ATXN2: variants seen among roughly 807,000 people sequenced by gnomAD.
The protein encoded by ATXN2 is ataxin 2, also known as ataxin-2.
ATXN2 carries 37 observed loss-of-function variants against 138.6 expected under a neutral mutation model. The observed-to-expected ratio is 0.27, with a 90% CI of 0.21 to 0.35. The LOEUF is 0.35. Among genes scored for constraint, ATXN2 ranks in the 10% least tolerant of loss-of-function variants. ATXN2 has a pLI of 1.00. For missense variants in ATXN2, 1,216 were observed against 1,480.3 expected (o/e 0.82, Z 2.93); for synonymous variants, 549 against 543.7 (o/e 1.01, Z -0.13).
intron 9 of ATXN2, among the ~76,000 whole-genome samples, chr12:111,517,966 A>C (rs931665466): frequency 3.3e-5 from 5 of 152,178 alleles, no homozygotes; most frequent in African/African-American, 9.7e-5. Flanking sequence ...TTTATATGTG[A>C]AGTGTTTTTG....
In ATXN2 at chr12:111,485,693, C is replaced by T. The variant is rs1877588410; in HGVS notation, c.2457+20G>A. 6 of 1,612,688 alleles carry T rather than the reference C, an allele frequency of 3.7e-6. No individual in the cohort carries two copies. In the South Asian group the frequency reaches 6.6e-5, roughly 18 times the overall value. On this transcript the variant is annotated intron_variant, in intron 17 of 24. Coordinates refer to ENST00000673436, the MANE Select transcript of ATXN2 (RefSeq NM_001372574.1). ...CAAACAATTGGGGAGGCTAAGTGAA[C>T]ATCAAATTCTATGACTTACTTGCAC...
chr12:111,548,132 G>C (rs1408999822), intron 5 of ATXN2, among the ~76,000 whole-genome samples: 4 of 151,960 alleles, frequency 2.6e-5, no homozygotes, highest in African/African-American at 9.7e-5. Flanking sequence ...GGTGGAGGTT[G>C]CAGTGCGCCA....
intron 14 of ATXN2, among the ~76,000 whole-genome samples, chr12:111,500,603 G>A (rs1296169783): frequency 5.9e-5 from 9 of 152,146 alleles, no homozygotes; most frequent in East Asian, 3.9e-4. Context: ...GGCCGGGCAC[G>A]GTGGCTCACG....
At position 111,516,507 on chromosome 12, in the gene ATXN2, GT is replaced by G; in HGVS notation, c.1166-145del. On this transcript the variant is annotated intron_variant, in intron 9 of 24. Transcript: ENST00000673436. The surrounding 1 kb of genome is among the most constrained non-coding windows in gnomAD (Gnocchi z 5.0). ...AGGACAGTCATTTGATTTGTGATAA[GT>G]TTTAGCATAACTTAACTGACATAAA... 1.2e-6 allele frequency: 1 copy of G among 807,252 alleles called. No individual in the cohort carries two copies. The highest frequency in any genetic ancestry group is 1.9e-6 in the Non-Finnish European group (1 of 523,706). The allele number at this position is 807,252 out of a possible 1,614,324, so 50.0% of individuals were successfully genotyped here. A position where few individuals can be genotyped will look rare whatever the true frequency, so the allele number is the denominator to read the frequency against.
intron 17 of ATXN2, 32 bp downstream of exon 17, chr12:111,485,681 A>T: frequency 6.2e-7 from 1 of 1,610,778 alleles, no homozygotes; most frequent in Non-Finnish European, 8.5e-7. Flanking sequence ...ACAATTGGGG[A>T]GGCTAAGTGA....
intron 5 of ATXN2, 116 bp from the exon 6 acceptor site, chr12:111,525,432 C>A: frequency 1.7e-6 from 2 of 1,186,658 alleles, no homozygotes; most frequent in South Asian, 2.1e-5. Flanking sequence ...ATGAATTTCA[C>A]ATAATTGTTT....
intron 1 of ATXN2, among the ~76,000 whole-genome samples, chr12:111,588,188 A>AAAAT (rs34646187): frequency 0.097 from 14,479 of 148,948 alleles, 1,499 homozygotes; most frequent in East Asian, 0.53. Context: ...TCCTATCACA[A>AAAAT]AAATAAATAA....
At chr12:111,560,595 C>T (rs1389664525) in intron 1 of ATXN2, among the ~76,000 whole-genome samples, 1 of 152,140 alleles carries the variant, frequency 6.6e-6, no homozygotes. Flanking sequence ...TAGCATCAGA[C>T]GTGTCACACT....
chr12:111,522,126 G>A (rs552578402), intron 6 of ATXN2, among the ~76,000 whole-genome samples: 2 of 151,150 alleles, frequency 1.3e-5, no homozygotes, highest in African/African-American at 4.9e-5. Context: ...AGACTATAAT[G>A]TAAGTCTACC....
chr12:111,568,590 G>A (rs1361507279), intron 1 of ATXN2, among the ~76,000 whole-genome samples: 1 of 152,126 alleles, frequency 6.6e-6, no homozygotes, highest in Non-Finnish European at 1.5e-5. Flanking sequence ...CAGTAAAACT[G>A]TAAGAATGCT....
intron 1 of ATXN2, among the ~76,000 whole-genome samples, chr12:111,569,282 A>G (rs1320856275): frequency 6.6e-6 from 1 of 152,214 alleles, no homozygotes; most frequent in East Asian, 1.9e-4. Context: ...CAAAAGAAAA[A>G]AAATAGTATC....
At position 111,500,885 on chromosome 12, in the gene ATXN2, A is replaced by C. The variant is rs1199806844; in HGVS notation, c.1935+8664T>G. On this transcript the variant is annotated intron_variant, in intron 14 of 24. Coordinates refer to ENST00000673436, the MANE Select transcript of ATXN2 (RefSeq NM_001372574.1). Reference sequence around the variant, plus strand: ...AGACTCCGTCTAAAAATAAATAAATAAAATAAGTTTAAAATTTAAAAAGTT... The same window carrying C: ...AGACTCCGTCTAAAAATAAATAAATCAAATAAGTTTAAAATTTAAAAAGTT... 2.6e-5 allele frequency among the ~76,000 whole-genome samples: 4 copies of C among 152,212 alleles called. No homozygotes were observed. The East Asian group carries it at 7.7e-4, about 29-fold the overall frequency.
rs1206172005 is a variant in ATXN2 at position 111,598,970 on chromosome 12, TG to T, written c.64del (p.Gln22SerfsTer24). 4 of 1,500,046 alleles carry T rather than the reference TG, an allele frequency of 2.7e-6. No individual in the cohort carries two copies. Among genetic ancestry groups the T allele is most frequent in the Non-Finnish European group, 3.5e-6 (4 of 1,128,406 alleles). The allele number at this position is 1,500,046 out of a possible 1,614,324, so 92.9% of individuals were successfully genotyped here. A position where few individuals can be genotyped will look rare whatever the true frequency, so the allele number is the denominator to read the frequency against. ...CGGCGGCTGCTGCTGCTGCTGCTGC[TG>T]CTGCTGTTGCTGCTGCTGCTGCTGC... is the stretch of plus-strand genomic sequence containing the variant. ...QQQQQQQQQQQQQQQQQPPPA... is the reference protein window; with the variant it reads ...QQQQQQQQQQXQQQQQQPPPA... On this transcript the variant is annotated frameshift_variant, in exon 1 of 25. Transcript: ENST00000673436. LOFTEE classifies it high-confidence loss of function. This position sits in a 1 kb window ranked among gnomAD's most constrained non-coding sequence, Gnocchi z 4.5.
intron 6 of ATXN2, among the ~76,000 whole-genome samples, chr12:111,524,777 C>T (rs688812): frequency 0.21 from 31,287 of 152,084 alleles, 3,341 homozygotes; most frequent in East Asian, 0.33. Context: ...TTTCTTCAGA[C>T]AAGAGGCTTA....
In ATXN2 at chr12:111,516,238, G is replaced by A. The variant is rs758788292; in HGVS notation, c.1291C>T (p.Arg431Trp). ...GGGTGAGACGGGGGTCTGGATGGCC[G>A]CGAGGGGGGCCTGGAGGGCGGCCGT... ...PTRPPSRPPS[R>W]PSRPPSHPSA... is the part of the protein sequence containing the mutation. The change falls in exon 10 of 25, where the codon CGG becomes TGG. Residue 431 changes from arginine (R) to tryptophan (W), a missense_variant. By Grantham distance (101) the Arg-to-Trp change is moderately radical. Transcript: ENST00000673436. This position sits in a 1 kb window ranked among gnomAD's most constrained non-coding sequence, Gnocchi z 5.0. The A allele has an allele frequency of 1.7e-5, 26 of 1,569,178 alleles. No individual in the cohort carries two copies. Among genetic ancestry groups the A allele is most frequent in the Middle Eastern group, 1.7e-4 (1 of 5,864 alleles).
At chr12:111,589,246 C>T (rs1471339345) in intron 1 of ATXN2, among the ~76,000 whole-genome samples, 4 of 151,484 alleles carry the variant, frequency 2.6e-5, no homozygotes, top group South Asian at 4.2e-4. Flanking sequence ...ACCTAGGAGG[C>T]GGAGGTTGCA....
intron 10 of ATXN2, among the ~76,000 whole-genome samples, chr12:111,514,020 C>A (rs890860026): frequency 3.3e-5 from 5 of 152,052 alleles, no homozygotes; most frequent in African/African-American, 1.2e-4. Context: ...GACTATTAAT[C>A]CCTATACACC....
intron 1 of ATXN2, among the ~76,000 whole-genome samples, chr12:111,582,238 G>GT (rs1357992082): frequency 6.6e-6 from 1 of 152,142 alleles, no homozygotes; most frequent in African/African-American, 2.4e-5. Flanking sequence ...GAGCTCAGGA[G>GT]TTTGAGACCA....
chr12:111,547,951 G>A (rs1159655212), intron 5 of ATXN2, among the ~76,000 whole-genome samples: 2 of 150,530 alleles, frequency 1.3e-5, no homozygotes, highest in Admixed American at 1.3e-4. Context: ...CCAGCAATTT[G>A]GGAGGCCCAG....
Sources: allele counts gnomAD v4.1 joint callset (sites outside exome capture counted in the v4.1 genomes callset), GRCh38; gene constraint gnomAD v4.1.1; non-coding constraint Gnocchi (gnomAD v3.1); transcripts MANE v1.5; gene names NCBI Gene and HGNC (gene_info 2026-07-23, HGNC 2026-07-21).